The following PSD3 variants were observed in gnomAD, a reference collection of about 807,000 sequenced individuals.
The protein encoded by PSD3 is PH and SEC7 domain-containing protein 3.
In PSD3, 49 loss-of-function variants were observed where a neutral mutation model predicts 105.5. That is an observed-to-expected ratio of 0.46 (90% CI 0.37 to 0.59). The LOEUF (loss-of-function observed/expected upper bound fraction) is 0.59. Ranked by LOEUF, PSD3 falls within the 20% of genes least tolerant of loss-of-function variation. The probability of loss-of-function intolerance (pLI) is 0.00; values close to 1 mark genes in which losing one functional copy is unlikely to be tolerated. For missense variants in PSD3, 1,561 were observed against 1,263.8 expected (o/e 1.24, Z -3.57); for synonymous variants, 557 against 457.8 (o/e 1.22, Z -2.77).
At chr8:19,050,426 G>A (rs1345693369) in intron 1 of PSD3, among the ~76,000 whole-genome samples, 1 of 152,070 alleles carries the variant, frequency 6.6e-6, no homozygotes, top group African/African-American at 2.4e-5. Flanking sequence ...ACAAAGACTT[G>A]GAACCAACCC....
chr8:18,930,866 C>A (rs1821706975), intron 2 of PSD3, among the ~76,000 whole-genome samples: 1 of 152,138 alleles, frequency 6.6e-6, no homozygotes, highest in South Asian at 2.1e-4. Context: ...CTGCGCCTGG[C>A]CTTCAACTGT....
intron 12 of PSD3, among the ~76,000 whole-genome samples, chr8:18,578,622 T>C (rs181897864): frequency 6.6e-6 from 1 of 152,240 alleles, no homozygotes; most frequent in East Asian, 1.9e-4. Flanking sequence ...TTGAATGACT[T>C]AGACTGTCTC....
In PSD3 at chr8:18,583,543, C is replaced by T. The variant is rs530565661; in HGVS notation, c.2482-8258G>A. On this transcript the variant is annotated intron_variant, in intron 12 of 15. Coordinates refer to ENST00000327040, the MANE Select transcript of PSD3 (RefSeq NM_015310.4). ...CATGGTTCTCTAGGCTCTTCTGCCT[C>T]AAACACCACTGAACCTGCAGTTCCC... Among the ~76,000 whole-genome samples, 212 of 152,318 alleles carry T rather than the reference C, an allele frequency of 1.4e-3. 2 individuals are homozygous for T. The highest frequency in any genetic ancestry group is 6.8e-3 in the Middle Eastern group (2 of 294).
intron 2 of PSD3, among the ~76,000 whole-genome samples, chr8:18,932,042 C>T (rs1205980182): frequency 2.6e-5 from 4 of 152,218 alleles, no homozygotes; most frequent in Non-Finnish European, 5.9e-5. Flanking sequence ...GTGACTTCTA[C>T]TATTTCTTCC....
chr8:18,616,538 T>C (rs1169801434), intron 11 of PSD3, among the ~76,000 whole-genome samples: 1 of 152,172 alleles, frequency 6.6e-6, no homozygotes, highest in African/African-American at 2.4e-5. Context: ...GCTCTCATCA[T>C]GCCTAGGTTT....
At chr8:18,651,498 T>C (rs1231387064) in intron 10 of PSD3, among the ~76,000 whole-genome samples, 6 of 152,236 alleles carry the variant, frequency 3.9e-5, no homozygotes, top group Non-Finnish European at 8.8e-5. Context: ...TTCATTACCA[T>C]TAACATCCTT....
intron 14 of PSD3, among the ~76,000 whole-genome samples, chr8:18,571,587 G>A (rs994622556): frequency 6.6e-5 from 10 of 152,156 alleles, no homozygotes; most frequent in African/African-American, 1.2e-4. Context: ...TTCAGCAGAG[G>A]ATCTGGCCTT....
At chr8:18,566,457 T>C (rs1013887204) in intron 14 of PSD3, among the ~76,000 whole-genome samples, 11 of 143,972 alleles carry the variant, frequency 7.6e-5, no homozygotes, top group African/African-American at 2.9e-4. Context: ...ACCCGGGAGG[T>C]GGGGATTGCA....
At chr8:18,964,779 T>C (rs573658550) in intron 1 of PSD3, among the ~76,000 whole-genome samples, 3 of 152,290 alleles carry the variant, frequency 2.0e-5, no homozygotes, top group African/African-American at 7.2e-5. Context: ...CAAGCCACCC[T>C]TTTACTTATT....
intron 10 of PSD3, among the ~76,000 whole-genome samples, chr8:18,634,512 A>G (rs1337256293): frequency 6.6e-6 from 1 of 151,552 alleles, no homozygotes; most frequent in African/African-American, 2.4e-5. Context: ...TTTGGATTTC[A>G]CTAGTTTACC....
intron 2 of PSD3, among the ~76,000 whole-genome samples, chr8:18,913,326 A>G (rs745443879): frequency 7.9e-5 from 12 of 151,424 alleles, no homozygotes; most frequent in Non-Finnish European, 1.6e-4. Context: ...TTTAAATACT[A>G]CTTTGTCAAC....
At chr8:18,608,382 G>C (rs185472410) in intron 11 of PSD3, among the ~76,000 whole-genome samples, 19 of 152,172 alleles carry the variant, frequency 1.2e-4, no homozygotes, top group Admixed American at 1.2e-3. Flanking sequence ...ACCAGTATGG[G>C]TGAAATTAAG....
chr8:18,966,568 T>TA lies in PSD3; in HGVS notation c.22-30427dup, dbSNP rs34134930. Among the ~76,000 whole-genome samples the TA allele has an allele frequency of 6.7e-3, 906 of 135,934 alleles. 2 individuals carry two copies. Among genetic ancestry groups the TA allele is most frequent in the Non-Finnish European group, 0.01 (666 of 63,806 alleles). The allele number at this position is 135,934 out of a possible 152,430, so 89.2% of individuals were successfully genotyped here. On this transcript the variant is annotated intron_variant, in intron 1 of 15. Transcript: ENST00000327040. ...CCTGGGCAACAGAGAGAGACTGTCT[T>TA]AAAAAAAAAAAAAAAAACCAAAAAA...
chr8:18,881,606 A>G (rs1720056520), intron 2 of PSD3, among the ~76,000 whole-genome samples: 1 of 152,196 alleles, frequency 6.6e-6, no homozygotes, highest in Non-Finnish European at 1.5e-5. Context: ...GCAACAGGAC[A>G]TACGTTTCCC....
chr8:18,584,035 G>T (rs550746595), intron 12 of PSD3, among the ~76,000 whole-genome samples: 5 of 152,164 alleles, frequency 3.3e-5, no homozygotes, highest in Non-Finnish European at 7.3e-5. Flanking sequence ...CAATCTGAGA[G>T]ATATAAAATA....
In PSD3 at chr8:18,716,761, T is replaced by C. The variant is rs942967143; in HGVS notation, c.2172+48688A>G. On this transcript the variant is annotated intron_variant, in intron 9 of 15. Transcript: ENST00000327040. ...GTTCTCCATGCTTGATTTACATCAA[T>C]AGCTTAAAAATGTACAATTTTAAAG... Among the ~76,000 whole-genome samples, 3 of 152,332 alleles carry C rather than the reference T, an allele frequency of 2.0e-5. No individual in the cohort carries two copies. In the East Asian group the frequency reaches 5.8e-4, roughly 29 times the overall value.
chr8:19,008,904 T>G (rs547378671), intron 1 of PSD3, among the ~76,000 whole-genome samples: 1 of 152,310 alleles, frequency 6.6e-6, no homozygotes, highest in Non-Finnish European at 1.5e-5. Context: ...CCCCAGCTCA[T>G]GGGAAGAAAT....
At chr8:18,804,945 G>T (rs944371425) in intron 4 of PSD3, 47 bp from the exon 5 acceptor site, 2 of 1,420,844 alleles carry the variant, frequency 1.4e-6, no homozygotes, top group Non-Finnish European at 1.9e-6. Flanking sequence ...TTCTTATATG[G>T]CAAAAAGGAA....
intron 4 of PSD3, among the ~76,000 whole-genome samples, chr8:18,831,930 G>C (rs1477950393): frequency 1.3e-5 from 2 of 152,098 alleles, no homozygotes; most frequent in East Asian, 3.9e-4. Context: ...TGGGAAGAAA[G>C]GTAAGTTTAC....
Sources: allele counts gnomAD v4.1 joint callset (sites outside exome capture counted in the v4.1 genomes callset), GRCh38; gene constraint gnomAD v4.1.1; transcripts MANE v1.5; gene names NCBI Gene and HGNC (gene_info 2026-07-23, HGNC 2026-07-21).